PCDH7: variants seen among roughly 807,000 people sequenced by gnomAD.
PCDH7 encodes protocadherin 7.
A neutral mutation model predicts 58.9 loss-of-function variants in PCDH7; 17 were observed. The observed-to-expected ratio is 0.29, with a 90% confidence interval of 0.20 to 0.43. The LOEUF (loss-of-function observed/expected upper bound fraction) is 0.43, where lower values mean the gene tolerates loss of function less well. Ranked by LOEUF, PCDH7 falls within the 20% of genes least tolerant of loss-of-function variation. The probability of loss-of-function intolerance (pLI) is 1.00; values close to 1 mark genes in which losing one functional copy is unlikely to be tolerated. For synonymous variants in PCDH7, 664 were observed against 616.4 expected, an observed-to-expected ratio of 1.08 and a Z score of -1.14; for missense variants, 1,274 against 1,441.0, an observed-to-expected ratio of 0.88 and a Z score of 1.88.
At chr4:30,790,333 TAC>T (rs1239730386) in intron 1 of PCDH7, among the ~76,000 whole-genome samples, 2 of 152,308 alleles carry the variant, frequency 1.3e-5, no homozygotes, top group Admixed American at 6.5e-5. Flanking sequence ...GAAAATGAGA[TAC>T]ACAGAGTTTC....
intron 3 of PCDH7, among the ~76,000 whole-genome samples, chr4:30,988,116 T>C (rs1751142232): frequency 6.6e-6 from 1 of 152,218 alleles, no homozygotes; most frequent in Admixed American, 6.5e-5. Flanking sequence ...ATTGTGTGTT[T>C]TATTCAGTTT....
intron 1 of PCDH7, among the ~76,000 whole-genome samples, chr4:30,785,538 TAA>T (rs1274599292): frequency 2.6e-4 from 40 of 152,192 alleles, no homozygotes; most frequent in African/African-American, 9.4e-4. Flanking sequence ...ATTTTAAAAT[TAA>T]GACATATTTT....
intron 3 of PCDH7, among the ~76,000 whole-genome samples, chr4:31,016,067 C>T (rs1309242915): frequency 6.6e-6 from 1 of 152,126 alleles, no homozygotes; most frequent in African/African-American, 2.4e-5. Context: ...CTAAATCACT[C>T]CAGGCCAACA....
At chr4:30,971,845 G>A (rs28570657) in intron 3 of PCDH7, among the ~76,000 whole-genome samples, 2,340 of 152,248 alleles carry the variant, frequency 0.015, 52 homozygotes, top group African/African-American at 0.052. Flanking sequence ...GCCTGTGGGG[G>A]CAACAACTCA....
intron 3 of PCDH7, among the ~76,000 whole-genome samples, chr4:31,139,469 A>C (rs1401157870): frequency 6.6e-6 from 1 of 152,186 alleles, no homozygotes; most frequent in Non-Finnish European, 1.5e-5. Flanking sequence ...ACTAATTGTG[A>C]AAGGCTTTCC....
intron 1 of PCDH7, among the ~76,000 whole-genome samples, chr4:30,766,851 A>G (rs992141102): frequency 2.6e-5 from 4 of 152,114 alleles, no homozygotes; most frequent in African/African-American, 9.7e-5. Flanking sequence ...GTCTCTTCAA[A>G]TTGCAATATT....
intron 1 of PCDH7, among the ~76,000 whole-genome samples, chr4:30,916,116 G>A (rs907146132): frequency 3.9e-5 from 6 of 152,022 alleles, no homozygotes; most frequent in East Asian, 1.9e-4. Context: ...GAAAATAATG[G>A]GCATAAAAAT....
chr4:30,994,807 A>T (rs28662878), intron 3 of PCDH7, among the ~76,000 whole-genome samples: 38,226 of 152,002 alleles, frequency 0.25, 5,072 homozygotes, highest in African/African-American at 0.32. Flanking sequence ...ATTCAAAATT[A>T]TCACCCAAAT....
chr4:31,128,040 T>C (rs1276678166), intron 3 of PCDH7, among the ~76,000 whole-genome samples: 1 of 151,468 alleles, frequency 6.6e-6, no homozygotes, highest in East Asian at 1.9e-4. Flanking sequence ...TATATATATG[T>C]ATGCACATAT....
At chr4:31,122,360 C>CT (rs1217249542) in intron 3 of PCDH7, among the ~76,000 whole-genome samples, 1 of 151,898 alleles carries the variant, frequency 6.6e-6, no homozygotes, top group Non-Finnish European at 1.5e-5. Flanking sequence ...TCATTGCTAG[C>CT]TTTTTTTTCA....
chr4:30,722,017 G>T lies in PCDH7; in HGVS notation c.595G>T (p.Gly199Trp), dbSNP rs1465670488. 3 of 1,260,258 alleles carry T rather than the reference G, an allele frequency of 2.4e-6. No individual in the cohort carries two copies. Among genetic ancestry groups the T allele is most frequent in the African/African-American group, 3.1e-5 (2 of 64,080 alleles). The allele number at this position is 1,260,258 out of a possible 1,614,324, so 78.1% of individuals were successfully genotyped here. Residue 199 changes from glycine (G) to tryptophan (W), a missense_variant, in exon 1 of 2, where the codon GGG (glycine) becomes TGG (tryptophan). By Grantham distance (184) the Gly-to-Trp change is radical. Around this residue, in one of 3 missense-constraint regions of PCDH7, gnomAD observed 331 missense variants for 303.2 expected, o/e 1.09. Transcript: ENST00000361762. This position sits in a 1 kb window ranked among gnomAD's most constrained non-coding sequence, Gnocchi z 7.6. ...CAGCGGCGGCGAGAGCCGGCGCGCCGGGGCGGCCGACAGCGCCCCCTACCC... is the reference window on the plus strand; with the variant it reads ...CAGCGGCGGCGAGAGCCGGCGCGCCTGGGCGGCCGACAGCGCCCCCTACCC...
intron 3 of PCDH7, among the ~76,000 whole-genome samples, chr4:31,071,958 A>T (rs1026402477): frequency 5.3e-5 from 8 of 152,040 alleles, no homozygotes; most frequent in African/African-American, 1.9e-4. Context: ...CTACTCTTAT[A>T]CTAAACCAGT....
chr4:30,775,178 T>C (rs994075837), intron 1 of PCDH7, among the ~76,000 whole-genome samples: 2 of 152,164 alleles, frequency 1.3e-5, no homozygotes, highest in African/African-American at 4.8e-5. Flanking sequence ...CGAGAGAGAA[T>C]TGGGTTTCAG....
intron 3 of PCDH7, among the ~76,000 whole-genome samples, chr4:30,976,229 C>A (rs1750056225): frequency 6.6e-6 from 1 of 151,908 alleles, no homozygotes; most frequent in African/African-American, 2.4e-5. Context: ...TCTCGGCTCA[C>A]CACTAACTCC....
intron 3 of PCDH7, among the ~76,000 whole-genome samples, chr4:31,067,054 C>T (rs551008470): frequency 6.6e-6 from 1 of 152,042 alleles, no homozygotes; most frequent in East Asian, 1.9e-4. Flanking sequence ...TTATTCCTTT[C>T]ATGGTCACAA....
intron 1 of PCDH7, among the ~76,000 whole-genome samples, chr4:30,875,432 C>G (rs1297285905): frequency 6.6e-6 from 1 of 152,004 alleles, no homozygotes; most frequent in Non-Finnish European, 1.5e-5. Context: ...TGGGGAGACA[C>G]AATTCAATCC....
intron 1 of PCDH7, among the ~76,000 whole-genome samples, chr4:30,792,888 G>T (rs78914094): frequency 6.6e-6 from 1 of 152,006 alleles, no homozygotes; most frequent in Non-Finnish European, 1.5e-5. Context: ...AATACATTTC[G>T]AGTGGGTACA....
chr4:31,120,330 T>A (rs1202995829), intron 3 of PCDH7, among the ~76,000 whole-genome samples: 2 of 151,912 alleles, frequency 1.3e-5, no homozygotes, highest in South Asian at 4.1e-4. Flanking sequence ...CTTGGTTTTT[T>A]AAATTCTTCT....
chr4:30,844,403 T>G (rs1731643836), intron 1 of PCDH7, among the ~76,000 whole-genome samples: 1 of 152,174 alleles, frequency 6.6e-6, no homozygotes, highest in Admixed American at 6.6e-5. Context: ...CCAGAAAAAT[T>G]AGCTCTTCAG....
Sources: allele counts gnomAD v4.1 joint callset (sites outside exome capture counted in the v4.1 genomes callset), GRCh38; gene constraint gnomAD v4.1.1; regional missense constraint gnomAD v4.1.1; non-coding constraint Gnocchi (gnomAD v3.1); transcripts MANE v1.5; gene names NCBI Gene and HGNC (gene_info 2026-07-23, HGNC 2026-07-21).